SGPP1: variants seen among roughly 807,000 people sequenced by gnomAD.
SGPP1 encodes sphingosine-1-phosphate phosphatase 1, also known as hSPP1.
Under a neutral mutation model 33.0 loss-of-function variants are expected in SGPP1, and 21 were observed. The ratio of observed to expected loss-of-function variants is 0.64; its 90% CI spans 0.45 to 0.92. The LOEUF (loss-of-function observed/expected upper bound fraction) is 0.92, where lower values mean the gene tolerates loss of function less well. Among genes scored for constraint, SGPP1 ranks in the 40% least tolerant of loss-of-function variants. The pLI is 0.00. For synonymous variants in SGPP1, 239 were observed against 241.2 expected (o/e 0.99, Z 0.08); for missense variants, 543 against 589.4 (o/e 0.92, Z 0.81).
chr14:63,705,978 A>G (rs941319991), intron 1 of SGPP1, among the ~76,000 whole-genome samples: 2 of 152,250 alleles, frequency 1.3e-5, no homozygotes, highest in African/African-American at 4.8e-5. Context: ...ACATTTATAC[A>G]TATGTTCATA....
intron 2 of SGPP1, among the ~76,000 whole-genome samples, chr14:63,694,608 A>C (rs8017835): frequency 0.076 from 11,499 of 152,210 alleles, 903 homozygotes; most frequent in African/African-American, 0.2. Flanking sequence ...ATAGAATCAG[A>C]AAAAGAAACA....
At chr14:63,724,616 TAAAAAAAAAAAAAA>T (rs34386504) in intron 1 of SGPP1, among the ~76,000 whole-genome samples, 2 of 85,004 alleles carry the variant, frequency 2.4e-5, no homozygotes, top group African/African-American at 9.3e-5. Context: ...CAAGGATCTT[TAAAAAAAAAAAAAA>T]AAAAAAAAAA....
chr14:63,727,660 G>C lies in SGPP1; in HGVS notation c.285C>G (p.Ala95=), dbSNP rs571937175. 411 of 1,344,420 alleles carry C rather than the reference G, an allele frequency of 3.1e-4. 2 individuals carry two copies. The East Asian group carries it at 0.013, about 41-fold the overall frequency. The allele number at this position is 1,344,420 out of a possible 1,614,324, so 83.3% of individuals were successfully genotyped here. ...GCCGCGGCGAGGCCGGGCCCAGCTC[G>C]GCCGCCAGCCCGTTCCGCACGCCGT... ...APNGVRNGLA[A]ELGPASPRRA... is the part of the protein sequence containing the mutation. Residue 95 remains alanine, a synonymous_variant, in exon 1 of 3, where the codon GCC becomes GCG. Transcript: ENST00000247225.
chr14:63,725,164 G>A (rs1242922642), intron 1 of SGPP1, among the ~76,000 whole-genome samples: 1 of 152,216 alleles, frequency 6.6e-6, no homozygotes, highest in African/African-American at 2.4e-5. Flanking sequence ...CCTGAGGTCA[G>A]GAGTTCAAGA....
intron 1 of SGPP1, among the ~76,000 whole-genome samples, chr14:63,703,049 G>A (rs1041829493): frequency 1.3e-5 from 2 of 151,942 alleles, no homozygotes; most frequent in African/African-American, 4.8e-5. Context: ...GCTGATGAGC[G>A]GGGCTACTAT....
chr14:63,715,177 C>T (rs554215174), intron 1 of SGPP1, among the ~76,000 whole-genome samples: 1 of 151,802 alleles, frequency 6.6e-6, no homozygotes, highest in Non-Finnish European at 1.5e-5. Context: ...CCACGCCCAG[C>T]TAATTGTTTG....
Position 63,686,494 on chromosome 14 carries a change from T to C in SGPP1, c.937A>G (p.Ser313Gly), listed in dbSNP as rs781576238. The change falls in exon 3 of 3, where the codon AGC becomes GGC. Residue 313 changes from serine (S) to glycine (G), a missense_variant. By Grantham distance (56) the Ser-to-Gly change is moderately conservative (BLOSUM62 0). Coordinates refer to ENST00000247225, the MANE Select transcript of SGPP1 (RefSeq NM_030791.4). ...GIFSFTLDTW[S>G]TSRGDTAEIL... is the part of the protein sequence containing the mutation. ...TCGGCTGTGTCTCCTCGGGATGTGC[T>C]CCAGGTGTCAAGAGTGAAAGAAAAG... 2 of 1,614,046 alleles carry C rather than the reference T, an allele frequency of 1.2e-6. No homozygotes were observed. The highest frequency in any genetic ancestry group is 3.3e-5 in the Admixed American group (2 of 60,008).
In SGPP1 at chr14:63,685,923, C is replaced by CT. The variant is rs111383610; in HGVS notation, c.*181dup. On this transcript the variant is annotated 3_prime_UTR_variant, in exon 3 of 3. Coordinates refer to ENST00000247225, the MANE Select transcript of SGPP1 (RefSeq NM_030791.4). ...TTTTCTCAGTAACGAAATAGCTCAG[C>CT]TCACCTAAAACAGTATCTGGATGTG... is the stretch of plus-strand genomic sequence containing the variant. 0.055 allele frequency: 23,562 copies of CT among 427,340 alleles called. 2,013 individuals carry two copies. The highest frequency in any genetic ancestry group is 0.27 in the African/African-American group (13,206 of 48,942). The allele number at this position is 427,340 out of a possible 1,614,324, so 26.5% of individuals were successfully genotyped here.
chr14:63,719,894 C>T (rs1595072911), intron 1 of SGPP1, among the ~76,000 whole-genome samples: 1 of 149,184 alleles, frequency 6.7e-6, no homozygotes, highest in African/African-American at 2.5e-5. Context: ...GCGGGCGGAT[C>T]ACCAAAGGTC....
At chr14:63,699,380 T>C (rs1209667174) in intron 1 of SGPP1, among the ~76,000 whole-genome samples, 1 of 151,984 alleles carries the variant, frequency 6.6e-6, no homozygotes, top group Non-Finnish European at 1.5e-5. Context: ...GTGGTAAGTT[T>C]GTAAAGGGAA....
At chr14:63,697,836 A>C (rs74058053) in intron 2 of SGPP1, among the ~76,000 whole-genome samples, 70 of 152,344 alleles carry the variant, frequency 4.6e-4, no homozygotes, top group African/African-American at 1.6e-3. Context: ...AGGAAACCTA[A>C]TAATTCAGTA....
intron 1 of SGPP1, among the ~76,000 whole-genome samples, chr14:63,699,641 A>G (rs930049902): frequency 6.6e-6 from 1 of 152,026 alleles, no homozygotes; most frequent in Non-Finnish European, 1.5e-5. Context: ...CCCAGGTGTG[A>G]TAATAGCATA....
chr14:63,712,917 CAAAAAA>C (rs56797705), intron 1 of SGPP1, among the ~76,000 whole-genome samples: 4 of 63,746 alleles, frequency 6.3e-5, no homozygotes, highest in African/African-American at 1.9e-4. Context: ...AACTCTGTCT[CAAAAAA>C]AAAAAAAAAA....
chr14:63,707,489 C>T (rs148318478), intron 1 of SGPP1, among the ~76,000 whole-genome samples: 79 of 151,944 alleles, frequency 5.2e-4, no homozygotes, highest in Admixed American at 7.9e-4. Flanking sequence ...TAAATATAGA[C>T]GTCCAGGCAG....
rs930443775 is a variant in SGPP1, at chr14:63,686,445, A to G, written c.986T>C (p.Ile329Thr). 1.2e-6 allele frequency: 2 copies of G among 1,614,130 alleles called. No individual in the cohort carries two copies. Among genetic ancestry groups the G allele is most frequent in the Non-Finnish European group, 1.7e-6 (2 of 1,180,028 alleles). Residue 329 changes from isoleucine (I) to threonine (T), a missense_variant, in exon 3 of 3, where the codon ATT (isoleucine) becomes ACT (threonine). By Grantham distance (89) the Ile-to-Thr change is moderately conservative (BLOSUM62 -1). Transcript: ENST00000247225. ...TAEILGSGAG[I>T]ACGSHVTYNM... The stretch of plus-strand genomic sequence containing the variant: ...ATAAGTAACATGAGATCCACATGCA[A>G]TTCCAGCACCACTTCCTAGTATCTC...
chr14:63,700,566 C>T (rs1188573332), intron 1 of SGPP1, among the ~76,000 whole-genome samples: 2 of 151,988 alleles, frequency 1.3e-5, no homozygotes, highest in Non-Finnish European at 2.9e-5. Flanking sequence ...CCTATTCTTG[C>T]TGGAGGAGGC....
In SGPP1 at chr14:63,685,943, G is replaced by A; in HGVS notation, c.*162C>T. On this transcript the variant is annotated 3_prime_UTR_variant, in exon 3 of 3. Transcript: ENST00000247225. ...CTCAGCTCACCTAAAACAGTATCTG[G>A]ATGTGCAATGATAAAATGCACTGAC... 2.0e-6 allele frequency: 1 copy of A among 504,060 alleles called. No individual in the cohort carries two copies. Among genetic ancestry groups the A allele is most frequent in the Non-Finnish European group, 3.5e-6 (1 of 286,542 alleles). 31.2% of individuals were successfully genotyped at this position (504,060 alleles called of 1,614,324 possible).
intron 1 of SGPP1, among the ~76,000 whole-genome samples, chr14:63,706,979 T>C (rs1885421095): frequency 6.7e-6 from 1 of 148,178 alleles, no homozygotes; most frequent in African/African-American, 2.5e-5. Context: ...GAGGCAGAGG[T>C]TGCAATGAGT....
chr14:63,712,387 C>G (rs1258393310), intron 1 of SGPP1, among the ~76,000 whole-genome samples: 1 of 152,128 alleles, frequency 6.6e-6, no homozygotes, highest in Non-Finnish European at 1.5e-5. Context: ...AAACTTCCCC[C>G]ACTTGGACCC....
Sources: gnomAD v4.1 joint callset for allele counts (sites outside exome capture counted in the v4.1 genomes callset) on GRCh38, gnomAD v4.1.1 for gene constraint, MANE v1.5 for transcripts, NCBI Gene and HGNC (gene_info 2026-07-23, HGNC 2026-07-21) for gene names.